ZNF316: variants seen among roughly 807,000 people sequenced by gnomAD.
ZNF316 encodes zinc finger protein 316.
Under a neutral mutation model 75.6 loss-of-function variants are expected in ZNF316, and 23 were observed. The ratio of observed to expected loss-of-function variants is 0.30; its 90% CI spans 0.22 to 0.43. ZNF316 has a LOEUF of 0.43. Among genes scored for constraint, ZNF316 ranks in the 20% least tolerant of loss-of-function variants. The pLI is 1.00. For missense variants in ZNF316, 1,266 were observed against 1,409.4 expected (o/e 0.90, Z 1.63); for synonymous variants, 827 against 666.2 (o/e 1.24, Z -3.72).
chr7:6,642,355 C>T lies in ZNF316; in HGVS notation c.-28-27C>T, dbSNP rs958399581. The T allele has an allele frequency of 1.5e-5, 17 of 1,143,410 alleles. No homozygotes were observed. In the East Asian group the frequency reaches 2.9e-4, roughly 19 times the overall value. 70.8% of individuals were successfully genotyped at this position (1,143,410 alleles called of 1,614,324 possible). On this transcript the variant is annotated intron_variant, in intron 4 of 8. Transcript: ENST00000382252. This position sits in a 1 kb window ranked among gnomAD's most constrained non-coding sequence, Gnocchi z 8.1. ...ACCGTGTGGTGTGCTGAGAGCAGCC[C>T]GTCACTGGCGTCCATCTGCATTTCA...
At chr7:6,650,510 G>A (rs1779488942) in intron 8 of ZNF316, among the ~76,000 whole-genome samples, 1 of 152,126 alleles carries the variant, frequency 6.6e-6, no homozygotes, top group Non-Finnish European at 1.5e-5. Flanking sequence ...TTTTCCTGCG[G>A]CTCTAGGTCC....
intron 7 of ZNF316, among the ~76,000 whole-genome samples, chr7:6,644,276 G>A (rs1028301779): frequency 1.3e-5 from 2 of 152,160 alleles, no homozygotes; most frequent in African/African-American, 4.8e-5. Context: ...AAGGTGTTGG[G>A]GGGGCTTGGT....
rs931930285 is a variant in ZNF316 at position 6,657,636 on chromosome 7, A to G, written c.*3025A>G. On this transcript the variant is annotated 3_prime_UTR_variant, in exon 9 of 9. Transcript: ENST00000382252. ...GAGCTCAGATGGATTCCTTGAGCTCAGGAGTTCGAGGCCAGCTGGGACAAC... is the reference window on the plus strand; with the variant it reads ...GAGCTCAGATGGATTCCTTGAGCTCGGGAGTTCGAGGCCAGCTGGGACAAC... Among the ~76,000 whole-genome samples the G allele has an allele frequency of 2.0e-5, 3 of 152,060 alleles. No homozygotes were observed. Among genetic ancestry groups the G allele is most frequent in the African/African-American group, 7.2e-5 (3 of 41,384 alleles).
Position 6,640,793 on chromosome 7 carries a change from G to A in ZNF316, c.-166-1032G>A, listed in dbSNP as rs1779299868. ...TGAATGGTCTAGCACCGTCCCCTTG[G>A]TGATAAGGGAGTTCTCAGTTCACAA... On this transcript the variant is annotated intron_variant, in intron 3 of 8. Transcript: ENST00000382252. This position sits in a 1 kb window ranked among gnomAD's most constrained non-coding sequence, Gnocchi z 5.1. 6.6e-6 allele frequency among the ~76,000 whole-genome samples: 1 copy of A among 152,200 alleles called. No individual in the cohort carries two copies. Among genetic ancestry groups the A allele is most frequent in the East Asian group, 1.9e-4 (1 of 5,178 alleles).
Position 6,643,061 on chromosome 7 carries a change from G to T in ZNF316, c.453G>T (p.Thr151=), listed in dbSNP as rs79844388. The change falls in exon 6 of 9, where the codon ACG becomes ACT. Residue 151 remains threonine, a synonymous_variant. Transcript: ENST00000382252. ...EEDEDEDDLL[T]AGCQELVTFE... ...ATGAGGACGAGGATGATTTGCTGAC[G>T]GCTGGGTGTCAGGTGAGCCGCCCTC... 1.2e-3 allele frequency: 1,534 copies of T among 1,236,310 alleles called. 23 individuals carry two copies. The African/African-American group carries it at 0.022, about 18-fold the overall frequency. 76.6% of individuals were successfully genotyped at this position (1,236,310 alleles called of 1,614,324 possible).
Position 6,654,495 on chromosome 7 carries a change from G to A in ZNF316, c.2899G>A (p.Gly967Ser). Residue 967 changes from glycine (G) to serine (S), a missense_variant, in exon 9 of 9, where the codon GGC (glycine) becomes AGC (serine). Gly to Ser is a moderately conservative substitution (Grantham distance 56). Around this residue, in one of 3 missense-constraint regions of ZNF316, gnomAD observed 111 missense variants for 99.2 expected, o/e 1.12. Transcript: ENST00000382252. ...GGCCGCCAAGGGGCCGTCCAGTGCC[G>A]GCCCCGGTGAGCGCGGCAGCGCCCT... ...EAAAKGPSSAGPGERGSALLE... is the reference protein window; with the variant it reads ...EAAAKGPSSASPGERGSALLE... 5.9e-6 allele frequency: 7 copies of A among 1,180,466 alleles called. No individual in the cohort carries two copies. Among genetic ancestry groups the A allele is most frequent in the East Asian group, 3.8e-5 (1 of 26,392 alleles). The allele number at this position is 1,180,466 out of a possible 1,614,324, so 73.1% of individuals were successfully genotyped here. A position where few individuals can be genotyped will look rare whatever the true frequency, so the allele number is the denominator to read the frequency against.
intron 8 of ZNF316, among the ~76,000 whole-genome samples, chr7:6,649,378 G>C (rs190221020): frequency 6.6e-6 from 1 of 152,156 alleles, no homozygotes; most frequent in African/African-American, 2.4e-5. Flanking sequence ...TCCTGCCCCA[G>C]TGCCCTCCAG....
rs1779281685 is a variant in ZNF316, at chr7:6,639,842, G to T, written c.-167+701G>T. Reference sequence around the variant, plus strand: ...TGCTGGGCAGGGCCGTGTCCTCCTGGAGGTGGCTAGCATAACACGCAGCAC... The same window carrying T: ...TGCTGGGCAGGGCCGTGTCCTCCTGTAGGTGGCTAGCATAACACGCAGCAC... On this transcript the variant is annotated intron_variant, in intron 3 of 8. Coordinates refer to ENST00000382252, the MANE Select transcript of ZNF316 (RefSeq NM_001278559.2). The surrounding 1 kb of genome is among the most constrained non-coding windows in gnomAD (Gnocchi z 4.2). Among the ~76,000 whole-genome samples the T allele has an allele frequency of 6.6e-6, 1 of 152,212 alleles. No individual in the cohort carries two copies. Among genetic ancestry groups the T allele is most frequent in the Non-Finnish European group, 1.5e-5 (1 of 68,042 alleles).
rs958399581 is a variant in ZNF316 at position 6,642,355 on chromosome 7, C to A, written c.-28-27C>A. On this transcript the variant is annotated intron_variant, in intron 4 of 8. Transcript: ENST00000382252. The surrounding 1 kb of genome is among the most constrained non-coding windows in gnomAD (Gnocchi z 8.1). ...ACCGTGTGGTGTGCTGAGAGCAGCC[C>A]GTCACTGGCGTCCATCTGCATTTCA... 1 of 1,143,534 alleles carries A rather than the reference C, an allele frequency of 8.7e-7. No individual in the cohort carries two copies. The highest frequency in any genetic ancestry group is 1.1e-6 in the Non-Finnish European group (1 of 907,516). 70.8% of individuals were successfully genotyped at this position (1,143,534 alleles called of 1,614,324 possible).
Position 6,654,639 on chromosome 7 carries a change from C to G in ZNF316, c.*28C>G. 2.5e-6 allele frequency: 3 copies of G among 1,176,870 alleles called. No individual in the cohort carries two copies. Among genetic ancestry groups the G allele is most frequent in the South Asian group, 4.2e-5 (1 of 23,852 alleles). 72.9% of individuals were successfully genotyped at this position (1,176,870 alleles called of 1,614,324 possible). ...GGCCCGGGGCCGACAGCAGCGCAGC[C>G]TGCAGGGCCACCGGCCCCTCCCTTG... On this transcript the variant is annotated 3_prime_UTR_variant, in exon 9 of 9. Coordinates refer to ENST00000382252, the MANE Select transcript of ZNF316 (RefSeq NM_001278559.2).
chr7:6,639,456 C>A lies in ZNF316; in HGVS notation c.-167+315C>A, dbSNP rs899676416. ...GCTGTGAGGGAAGAATTACAGGGAA[C>A]TGTGTCACCCACTGGGGCCCAGGGG... On this transcript the variant is annotated intron_variant, in intron 3 of 8. Coordinates refer to ENST00000382252, the MANE Select transcript of ZNF316 (RefSeq NM_001278559.2). The surrounding 1 kb of genome is among the most constrained non-coding windows in gnomAD (Gnocchi z 4.2). Among the ~76,000 whole-genome samples, 1 of 152,126 alleles carries A rather than the reference C, an allele frequency of 6.6e-6. No individual in the cohort carries two copies. The highest frequency in any genetic ancestry group is 2.4e-5 in the African/African-American group (1 of 41,420).
chr7:6,646,533 C>T (rs1000635205), intron 8 of ZNF316, among the ~76,000 whole-genome samples: 9 of 152,180 alleles, frequency 5.9e-5, no homozygotes, highest in South Asian at 2.1e-4. Flanking sequence ...GGTTTGAGAG[C>T]TACCTGAGGG....
Position 6,652,319 on chromosome 7 carries a change from G to T in ZNF316, c.723G>T (p.Thr241=). The T allele has an allele frequency of 6.5e-6, 8 of 1,232,336 alleles. No homozygotes were observed. The highest frequency in any genetic ancestry group is 8.1e-6 in the Non-Finnish European group (8 of 988,078). 76.3% of individuals were successfully genotyped at this position (1,232,336 alleles called of 1,614,324 possible). ...CACCTTCAGGAGCCTGGTTCTGGAC[G>T]GACGACATAGAGGACCACGAGGAGG... ...TGVYTGAWFW[T]DDIEDHEEED... The change falls in exon 9 of 9, where the codon ACG becomes ACT. Residue 241 remains threonine, a synonymous_variant. Coordinates refer to ENST00000382252, the MANE Select transcript of ZNF316 (RefSeq NM_001278559.2).
chr7:6,640,990 C>G lies in ZNF316; in HGVS notation c.-166-835C>G, dbSNP rs189105913. Among the ~76,000 whole-genome samples, 3 of 152,210 alleles carry G rather than the reference C, an allele frequency of 2.0e-5. No individual in the cohort carries two copies. The highest frequency in any genetic ancestry group is 4.4e-5 in the Non-Finnish European group (3 of 68,042). ...TGAAACCTTTTTTCTTTGCCACTTA[C>G]TCAGCCTCAGGTATTCCTTCACAGA... On this transcript the variant is annotated intron_variant, in intron 3 of 8. Coordinates refer to ENST00000382252, the MANE Select transcript of ZNF316 (RefSeq NM_001278559.2). This position sits in a 1 kb window ranked among gnomAD's most constrained non-coding sequence, Gnocchi z 5.1.
intron 7 of ZNF316, among the ~76,000 whole-genome samples, chr7:6,644,223 C>T (rs1004732336): frequency 2.7e-5 from 4 of 150,246 alleles, no homozygotes; most frequent in Middle Eastern, 3.4e-3. Flanking sequence ...AGGGGTGAGG[C>T]GGAAGGCGAG....
In ZNF316 at chr7:6,642,705, G is replaced by T; in HGVS notation, c.296G>T (p.Gly99Val). 1 of 1,234,266 alleles carries T rather than the reference G, an allele frequency of 8.1e-7. No individual in the cohort carries two copies. The highest frequency in any genetic ancestry group is 1.0e-6 in the Non-Finnish European group (1 of 989,294). The allele number at this position is 1,234,266 out of a possible 1,614,324, so 76.5% of individuals were successfully genotyped here. Residue 99 changes from glycine (G) to valine (V), a missense_variant, in exon 5 of 9, where the codon GGG (glycine) becomes GTG (valine). Transcript: ENST00000382252. The surrounding 1 kb of genome is among the most constrained non-coding windows in gnomAD (Gnocchi z 8.1). ...VLAEEECPAL[G>V]TQERLSRGGD... ...GCAGAGGAGGAGTGTCCGGCGTTGG[G>T]GACCCAGGAGCGACTTAGCCGTGGT...
chr7:6,654,007 C>G lies in ZNF316; in HGVS notation c.2411C>G (p.Ala804Gly). The G allele has an allele frequency of 8.4e-7, 1 of 1,187,876 alleles. No homozygotes were observed. Among genetic ancestry groups the G allele is most frequent in the Non-Finnish European group, 1.0e-6 (1 of 960,146 alleles). The allele number at this position is 1,187,876 out of a possible 1,614,324, so 73.6% of individuals were successfully genotyped here. The change falls in exon 9 of 9, where the codon GCG becomes GGG. Residue 804 changes from alanine (A) to glycine (G), a missense_variant. Physicochemically the swap from Ala to Gly is moderately conservative, Grantham distance 60. Coordinates refer to ENST00000382252, the MANE Select transcript of ZNF316 (RefSeq NM_001278559.2). ...GRAHTGERPY[A>G]CGECGRRFGQ... The stretch of plus-strand genomic sequence containing the variant: ...GCGCACACCGGGGAGCGGCCTTACG[C>G]GTGTGGAGAGTGCGGCCGGCGCTTC...
At chr7:6,651,528 G>A (rs375232912) in intron 8 of ZNF316, among the ~76,000 whole-genome samples, 15 of 152,144 alleles carry the variant, frequency 9.9e-5, no homozygotes, top group African/African-American at 3.1e-4. Context: ...GGTGCTGTGC[G>A]CCTGTAATCC....
At chr7:6,647,162 C>T (rs1025475697) in intron 8 of ZNF316, among the ~76,000 whole-genome samples, 34 of 151,884 alleles carry the variant, frequency 2.2e-4, no homozygotes, top group African/African-American at 6.8e-4. Context: ...TTCCACCCTC[C>T]GAGATGGACC....
Sources: allele counts gnomAD v4.1 joint callset (sites outside exome capture counted in the v4.1 genomes callset), GRCh38; gene constraint gnomAD v4.1.1; regional missense constraint gnomAD v4.1.1; non-coding constraint Gnocchi (gnomAD v3.1); transcripts MANE v1.5; gene names NCBI Gene and HGNC (gene_info 2026-07-23, HGNC 2026-07-21).